Variants in COL9A3 observed in about 807,000 individuals in gnomAD.
COL9A3 encodes the protein collagen type IX alpha 3 chain, also known as collagen alpha-3(IX) chain.
COL9A3 carries 82 observed loss-of-function variants against 110.2 expected under a neutral mutation model. The observed-to-expected ratio is 0.74, with a 90% confidence interval of 0.62 to 0.89. The LOEUF (loss-of-function observed/expected upper bound fraction) is 0.89. Ranked by LOEUF, COL9A3 falls within the 40% of genes least tolerant of loss-of-function variation. The pLI, the probability that COL9A3 is intolerant of heterozygous loss-of-function variation, is 0.00. For synonymous variants in COL9A3, 494 were observed against 403.8 expected, an observed-to-expected ratio of 1.22 and a Z score of -2.68; for missense variants, 1,066 against 981.3, an observed-to-expected ratio of 1.09 and a Z score of -1.15.
intron 16 of COL9A3, 93 bp downstream of exon 16, chr20:62,827,387 G>A (rs2063562977): frequency 3.7e-6 from 5 of 1,369,250 alleles, no homozygotes; most frequent in Admixed American, 1.9e-5. Context: ...ACACTTGGGA[G>A]TGAGACTGCA....
rs765090954 is a variant in COL9A3 at position 62,829,675 on chromosome 20, C to T, written c.1101C>T (p.Gly367=). ...AGGCCGGCCCCTCTGGAGAGCCAGG[C>T]GTCCCTGTGAGTATCTGCGGCGCCC... The part of the protein sequence containing the change: ...LGEAGPSGEP[G]VPGDAGMPGE... The change falls in exon 21 of 32, where the codon GGC becomes GGT. Residue 367 remains glycine (G), a synonymous_variant. Coordinates refer to ENST00000649368, the MANE Select transcript of COL9A3 (RefSeq NM_001853.4). The T allele has an allele frequency of 3.1e-6, 5 of 1,609,008 alleles. No homozygotes were observed. In the South Asian group the frequency reaches 3.3e-5, roughly 11 times the overall value.
At chr20:62,833,707 G>GT (rs1248555459) in intron 26 of COL9A3, among the ~76,000 whole-genome samples, 1 of 143,158 alleles carries the variant, frequency 7.0e-6, no homozygotes, top group Non-Finnish European at 1.5e-5. Context: ...CCGGCCGGGG[G>GT]TTTTTTTTGA....
At chr20:62,818,977 G>A (rs929670132) in intron 3 of COL9A3, among the ~76,000 whole-genome samples, 16 of 152,184 alleles carry the variant, frequency 1.1e-4, no homozygotes, top group East Asian at 3.9e-4. Context: ...GTGACCAGAC[G>A]AAGGTCTTAC....
At position 62,829,681 on chromosome 20, in the gene COL9A3, T is replaced by C. The variant is rs1337319590; in HGVS notation, c.1107T>C (p.Pro369=). The change falls in exon 21 of 32, where the codon CCT becomes CCC. Residue 369 remains proline, a splice_region_variant and synonymous_variant. Transcript: ENST00000649368. ...EAGPSGEPGV[P]GDAGMPGERG... The stretch of plus-strand genomic sequence containing the variant: ...GCCCCTCTGGAGAGCCAGGCGTCCC[T>C]GTGAGTATCTGCGGCGCCCCAGACC... 1.9e-6 allele frequency: 3 copies of C among 1,608,408 alleles called. No homozygotes were observed. Among genetic ancestry groups the C allele is most frequent in the South Asian group, 1.1e-5 (1 of 90,080 alleles).
intron 6 of COL9A3, 57 bp from the exon 7 acceptor site, chr20:62,821,450 G>A (rs980522559): frequency 1.3e-5 from 21 of 1,609,926 alleles, no homozygotes; most frequent in Non-Finnish European, 1.8e-5. Flanking sequence ...TTAGGGAGGG[G>A]TGAGGCGCAG....
At chr20:62,840,171 CAT>C (rs2063665130) in intron 31 of COL9A3, among the ~76,000 whole-genome samples, 1 of 152,028 alleles carries the variant, frequency 6.6e-6, no homozygotes, top group African/African-American at 2.4e-5. Flanking sequence ...CCAGGCCTCC[CAT>C]GTTTCCACTG....
At chr20:62,821,967 C>G in intron 8 of COL9A3, 144 bp from the exon 9 acceptor site, 4 of 763,302 alleles carry the variant, frequency 5.2e-6, no homozygotes, top group Non-Finnish European at 9.4e-6. Context: ...TGATCCAGAC[C>G]CGACCTCAGG....
At chr20:62,821,635 C>T in intron 7 of COL9A3, 105 bp downstream of exon 7, 1 of 1,562,170 alleles carries the variant, frequency 6.4e-7, no homozygotes. Flanking sequence ...TTCTCAGGGG[C>T]AGCCATCTGA....
intron 22 of COL9A3, among the ~76,000 whole-genome samples, chr20:62,830,057 C>T (rs1266682099): frequency 6.6e-6 from 1 of 152,178 alleles, no homozygotes; most frequent in Non-Finnish European, 1.5e-5. Context: ...CAGCCTTGTG[C>T]CCCCATAGAC....
At chr20:62,825,973 G>T (rs780663679) in intron 13 of COL9A3, 103 bp downstream of exon 13, 726 of 1,352,648 alleles carry the variant, frequency 5.4e-4, no homozygotes, top group Non-Finnish European at 7.1e-4. Context: ...CCGGCTGGGG[G>T]GTGTTTGGCC....
chr20:62,833,927 T>A (rs2063616415), intron 26 of COL9A3, among the ~76,000 whole-genome samples: 1 of 152,046 alleles, frequency 6.6e-6, no homozygotes. Flanking sequence ...TCGCCCAGGC[T>A]GGAGTGCAGT....
At chr20:62,833,779 C>G (rs2063614526) in intron 26 of COL9A3, among the ~76,000 whole-genome samples, 1 of 152,058 alleles carries the variant, frequency 6.6e-6, no homozygotes, top group Non-Finnish European at 1.5e-5. Context: ...TTCACTGCAG[C>G]CTCTGCCTCC....
At chr20:62,821,669 T>A in intron 7 of COL9A3, 88 bp from the exon 8 acceptor site, 1 of 1,542,898 alleles carries the variant, frequency 6.5e-7, no homozygotes, top group South Asian at 1.1e-5. Flanking sequence ...GGAGCCCCTC[T>A]CCCTTCGGAG....
intron 9 of COL9A3, 81 bp from the exon 10 acceptor site, chr20:62,822,510 T>G: frequency 7.9e-7 from 1 of 1,267,880 alleles, no homozygotes; most frequent in East Asian, 3.5e-5. Flanking sequence ...TTGTGGTCCG[T>G]CAGAGAGTGG....
Position 62,817,542 on chromosome 20 carries a change from C to T in COL9A3, c.79-25C>T, listed in dbSNP as rs373884927. 2.7e-4 allele frequency: 417 copies of T among 1,517,728 alleles called. 4 individuals carry two copies. In the African/African-American group the frequency reaches 5.2e-3, roughly 19 times the overall value. 94.0% of individuals were successfully genotyped at this position (1,517,728 alleles called of 1,614,324 possible). A position where few individuals can be genotyped will look rare whatever the true frequency, so the allele number is the denominator to read the frequency against. On this transcript the variant is annotated intron_variant, in intron 1 of 31. Transcript: ENST00000649368. Reference sequence around the variant, plus strand: ...TCAGGCCCACGGGGGCACCTGCGCTCCTTAATGAGTTTTCTCCGTTTCAGA... The same window carrying T: ...TCAGGCCCACGGGGGCACCTGCGCTTCTTAATGAGTTTTCTCCGTTTCAGA...
Position 62,822,638 on chromosome 20 carries a change from C to T in COL9A3, c.519+6C>T, listed in dbSNP as rs1273555684. ...AAGGCGCTACTGACCTTCAGGTAGG[C>T]ACTTGAAGCCATTTGTTAAGGGTGC... On this transcript the variant is annotated splice_donor_region_variant and intron_variant, in intron 10 of 31. Coordinates refer to ENST00000649368, the MANE Select transcript of COL9A3 (RefSeq NM_001853.4). 13 of 1,611,608 alleles carry T rather than the reference C, an allele frequency of 8.1e-6. No individual in the cohort carries two copies. The highest frequency in any genetic ancestry group is 4.4e-5 in the South Asian group (4 of 91,060).
At position 62,835,115 on chromosome 20, in the gene COL9A3, C is replaced by T. The variant is rs1174194554; in HGVS notation, c.1369-806C>T. On this transcript the variant is annotated intron_variant, in intron 26 of 31. Transcript: ENST00000649368. ...CTGTGTGAGGTGACCCCCTACCCTC[C>T]TGGCCTCCGCGGAGCATGCTGTCTG... Among the ~76,000 whole-genome samples the T allele has an allele frequency of 2.6e-5, 4 of 152,254 alleles. No individual in the cohort carries two copies. In the East Asian group the frequency reaches 7.7e-4, roughly 29 times the overall value.
rs377664853 is a variant in COL9A3, at chr20:62,830,406, G to T, written c.1208G>T (p.Gly403Val). 9 of 1,569,140 alleles carry T rather than the reference G, an allele frequency of 5.7e-6. No homozygotes were observed. The African/African-American group carries it at 1.2e-4, about 21-fold the overall frequency. ...CCTCCCGGAGCCCCTGGTGTCCGAG[G>T]CTTCCAGGTGGGTGAGGTTGGGGCA... is the stretch of plus-strand genomic sequence containing the variant. ...QGPPGAPGVR[G>V]FQGQKGSMGD... The change falls in exon 23 of 32, where the codon GGC (glycine) becomes GTC (valine). Residue 403 changes from glycine to valine, a missense_variant. Physicochemically the swap from Gly to Val is moderately radical, Grantham distance 109 (BLOSUM62 -3). Coordinates refer to ENST00000649368, the MANE Select transcript of COL9A3 (RefSeq NM_001853.4).
chr20:62,833,407 TC>T (rs2063611290), intron 26 of COL9A3, among the ~76,000 whole-genome samples: 1 of 152,180 alleles, frequency 6.6e-6, no homozygotes, highest in Non-Finnish European at 1.5e-5. Flanking sequence ...TTTTGGGGTT[TC>T]TTGTTTTTTG....
Sources: allele counts gnomAD v4.1 joint callset (sites outside exome capture counted in the v4.1 genomes callset), GRCh38; gene constraint gnomAD v4.1.1; transcripts MANE v1.5; gene names NCBI Gene and HGNC (gene_info 2026-07-23, HGNC 2026-07-21).